GRIN3A: variants seen among roughly 807,000 people sequenced by gnomAD.
The protein encoded by GRIN3A is glutamate ionotropic receptor NMDA type subunit 3A.
In GRIN3A, 47 loss-of-function variants were observed where a neutral mutation model predicts 92.4. That is an observed-to-expected ratio of 0.51 (90% CI 0.40 to 0.65). The LOEUF (loss-of-function observed/expected upper bound fraction) is 0.65, where lower values mean the gene tolerates loss of function less well. Ranked by LOEUF, GRIN3A falls within the 30% of genes least tolerant of loss-of-function variation. GRIN3A has a pLI of 0.00. For missense variants in GRIN3A, 1,324 were observed against 1,393.1 expected, an observed-to-expected ratio of 0.95 and a Z score of 0.79; for synonymous variants, 527 against 540.6, an observed-to-expected ratio of 0.97 and a Z score of 0.35.
chr9:101,595,079 G>T (rs2118816004), intron 6 of GRIN3A: 1 of 725,206 alleles, frequency 1.4e-6, no homozygotes, highest in Non-Finnish European at 2.2e-6. Flanking sequence ...AGCGGAGGGA[G>T]GGGCGGCAGG....
chr9:101,731,348 A>G (rs375334707), intron 1 of GRIN3A, among the ~76,000 whole-genome samples: 83 of 152,308 alleles, frequency 5.4e-4, no homozygotes, highest in African/African-American at 1.8e-3. Context: ...TATTTTGTCT[A>G]TACATAGTCA....
chr9:101,635,130 C>T (rs1212042147), intron 3 of GRIN3A, among the ~76,000 whole-genome samples: 3 of 152,146 alleles, frequency 2.0e-5, no homozygotes, highest in South Asian at 2.1e-4. Flanking sequence ...AAGCCGTCTA[C>T]GTTAGGTCAG....
At chr9:101,637,221 T>C (rs1828796169) in intron 3 of GRIN3A, among the ~76,000 whole-genome samples, 1 of 152,004 alleles carries the variant, frequency 6.6e-6, no homozygotes, top group African/African-American at 2.4e-5. Context: ...GCCTCCCGAG[T>C]AGATGGGACT....
At chr9:101,671,253 A>G (rs762385866) in intron 2 of GRIN3A, 146 bp from the exon 3 acceptor site, 69 of 697,316 alleles carry the variant, frequency 9.9e-5, no homozygotes, top group Non-Finnish European at 1.5e-4. Flanking sequence ...TTCAAATGTT[A>G]ATAAGCTGGA....
At chr9:101,573,653 T>G in intron 8 of GRIN3A, 140 bp from the exon 9 acceptor site, 1 of 720,022 alleles carries the variant, frequency 1.4e-6, no homozygotes. Context: ...ATGGACAGAC[T>G]ACCTGCTAGG....
chr9:101,599,292 T>C (rs1197320848), intron 6 of GRIN3A, among the ~76,000 whole-genome samples: 1 of 152,212 alleles, frequency 6.6e-6, no homozygotes, highest in African/African-American at 2.4e-5. Flanking sequence ...ATTAGGAAGA[T>C]GGTACCACTT....
intron 4 of GRIN3A, among the ~76,000 whole-genome samples, chr9:101,626,134 T>C (rs1828631555): frequency 6.6e-6 from 1 of 152,186 alleles, no homozygotes; most frequent in African/African-American, 2.4e-5. Flanking sequence ...TGAATCACTG[T>C]TGTGGTTCAC....
intron 3 of GRIN3A, among the ~76,000 whole-genome samples, chr9:101,667,238 A>ATATAATGAAT (rs1337565356): frequency 6.6e-6 from 1 of 151,866 alleles, no homozygotes; most frequent in African/African-American, 2.4e-5. Context: ...CTTGGAGGTA[A>ATATAATGAAT]TACATTATAT....
At chr9:101,652,204 A>G (rs753193079) in intron 3 of GRIN3A, among the ~76,000 whole-genome samples, 1 of 152,024 alleles carries the variant, frequency 6.6e-6, no homozygotes, top group Non-Finnish European at 1.5e-5. Flanking sequence ...TCCCAGGGTC[A>G]CAAAACCCAG....
At chr9:101,704,821 T>C (rs1212177309) in intron 1 of GRIN3A, among the ~76,000 whole-genome samples, 1 of 152,214 alleles carries the variant, frequency 6.6e-6, no homozygotes, top group Non-Finnish European at 1.5e-5. Flanking sequence ...TTTAATTTAA[T>C]TTAAGATGTT....
chr9:101,575,953 A>G (rs1827820518), intron 8 of GRIN3A, among the ~76,000 whole-genome samples: 1 of 152,206 alleles, frequency 6.6e-6, no homozygotes, highest in African/African-American at 2.4e-5. Context: ...TATAATATAG[A>G]AGAATAAACA....
At chr9:101,591,600 A>G (rs1828027066) in intron 6 of GRIN3A, 1 of 152,236 alleles carries the variant, frequency 6.6e-6, no homozygotes, top group South Asian at 2.1e-4. Flanking sequence ...GGTTATATCA[A>G]AAGTTATGGG....
intron 6 of GRIN3A, among the ~76,000 whole-genome samples, chr9:101,606,660 C>T (rs1376213120): frequency 6.6e-6 from 1 of 152,080 alleles, no homozygotes; most frequent in Non-Finnish European, 1.5e-5. Context: ...CCCACCAAGA[C>T]CACTGTTTCC....
chr9:101,634,471 A>G (rs911123291), intron 3 of GRIN3A, among the ~76,000 whole-genome samples: 4 of 151,286 alleles, frequency 2.6e-5, no homozygotes, highest in Non-Finnish European at 5.9e-5. Context: ...ATATTTTATA[A>G]TATTTATTAT....
chr9:101,733,029 TG>T (rs1221535871), intron 1 of GRIN3A, among the ~76,000 whole-genome samples: 1 of 152,152 alleles, frequency 6.6e-6, no homozygotes, highest in African/African-American at 2.4e-5. Context: ...GGAATTTGAC[TG>T]GGGGGTTATT....
chr9:101,621,372 G>T (rs1420336811), intron 5 of GRIN3A, among the ~76,000 whole-genome samples: 1 of 151,826 alleles, frequency 6.6e-6, no homozygotes, highest in Non-Finnish European at 1.5e-5. Context: ...ACATTGTTTC[G>T]TGTAATTTAT....
intron 1 of GRIN3A, among the ~76,000 whole-genome samples, chr9:101,703,890 G>T (rs1198646281): frequency 6.6e-6 from 1 of 152,088 alleles, no homozygotes; most frequent in Non-Finnish European, 1.5e-5. Context: ...TACTCCCTCT[G>T]CCTCCACTAC....
chr9:101,625,935 C>T lies in GRIN3A; in HGVS notation c.2498+2321G>A, dbSNP rs1180767734. Among the ~76,000 whole-genome samples, 4 of 152,184 alleles carry T rather than the reference C, an allele frequency of 2.6e-5. No individual in the cohort carries two copies. In the South Asian group the frequency reaches 8.3e-4, roughly 32 times the overall value. On this transcript the variant is annotated intron_variant, in intron 4 of 8. Transcript: ENST00000361820. ...TTTTAAAACCAGTAATTCATGAAGC[C>T]TAATGTCTCTGGGATCCTTCCTTAA...
intron 5 of GRIN3A, among the ~76,000 whole-genome samples, chr9:101,621,844 G>A (rs1339413267): frequency 6.6e-6 from 1 of 152,148 alleles, no homozygotes; most frequent in Non-Finnish European, 1.5e-5. Flanking sequence ...AGCTCCTAAT[G>A]GCAGAAGGGA....
Sources: gnomAD v4.1 joint callset for allele counts (sites outside exome capture counted in the v4.1 genomes callset) on GRCh38, gnomAD v4.1.1 for gene constraint, MANE v1.5 for transcripts, NCBI Gene and HGNC (gene_info 2026-07-23, HGNC 2026-07-21) for gene names.